GRIK4: variants seen among roughly 807,000 people sequenced by gnomAD.
GRIK4 encodes glutamate ionotropic receptor kainate type subunit 4, also known as glutamate receptor ionotropic, kainate 4.
A neutral mutation model predicts 104.9 loss-of-function variants in GRIK4; 40 were observed. The observed-to-expected ratio is 0.38, with a 90% CI of 0.30 to 0.50. GRIK4 has a LOEUF of 0.50. GRIK4 is among the 20% of genes least tolerant of loss of function. GRIK4 has a pLI of 0.93. For synonymous variants in GRIK4, 485 were observed against 524.9 expected (o/e 0.92, Z 1.04); for missense variants, 1,047 against 1,308.1 (o/e 0.80, Z 3.08).
intron 8 of GRIK4, among the ~76,000 whole-genome samples, chr11:120,848,262 A>G (rs1449219188): frequency 1.3e-5 from 2 of 152,198 alleles, no homozygotes; most frequent in Non-Finnish European, 2.9e-5. Context: ...AGGAGACCCC[A>G]GGTGGGCAGG....
At chr11:120,651,404 G>A (rs1949616810) in intron 1 of GRIK4, among the ~76,000 whole-genome samples, 1 of 152,208 alleles carries the variant, frequency 6.6e-6, no homozygotes, top group Non-Finnish European at 1.5e-5. Context: ...TGTCTCTGGG[G>A]AGGGGCCATT....
At chr11:120,597,963 T>C (rs374524955) in intron 1 of GRIK4, among the ~76,000 whole-genome samples, 35 of 152,302 alleles carry the variant, frequency 2.3e-4, no homozygotes, top group African/African-American at 8.4e-4. Flanking sequence ...CTTAGAGAGT[T>C]GCTGATGCGG....
intron 3 of GRIK4, among the ~76,000 whole-genome samples, chr11:120,736,254 C>T (rs955242682): frequency 6.6e-6 from 1 of 152,106 alleles, no homozygotes; most frequent in Non-Finnish European, 1.5e-5. Context: ...GAATGGGGAC[C>T]TCATGACTCT....
chr11:120,655,028 A>G (rs899242084), intron 2 of GRIK4, among the ~76,000 whole-genome samples: 3 of 152,150 alleles, frequency 2.0e-5, no homozygotes, highest in African/African-American at 7.2e-5. Flanking sequence ...TGCACACACC[A>G]AACTGGGAAT....
At chr11:120,624,452 GCCT>G (rs896312286) in intron 1 of GRIK4, among the ~76,000 whole-genome samples, 1 of 151,706 alleles carries the variant, frequency 6.6e-6, no homozygotes, top group African/African-American at 2.4e-5. Flanking sequence ...ATCCCCTTTG[GCCT>G]CCTCCTTGTC....
At position 120,714,516 on chromosome 11, in the gene GRIK4, C is replaced by T. The variant is rs1195448719; in HGVS notation, c.82+54116C>T. 2.5e-4 allele frequency among the ~76,000 whole-genome samples: 38 copies of T among 152,088 alleles called. 1 individual carries two copies. The highest frequency in any genetic ancestry group is 1.2e-4 in the Non-Finnish European group (8 of 68,030). On this transcript the variant is annotated intron_variant, in intron 3 of 20. Coordinates refer to ENST00000527524, the MANE Select transcript of GRIK4 (RefSeq NM_014619.5). ...TTTTTGCTTCTTGGAACTTAAATCTCGTGGAGGTTAGGGAGAGGACACAGA... is the reference window on the plus strand; with the variant it reads ...TTTTTGCTTCTTGGAACTTAAATCTTGTGGAGGTTAGGGAGAGGACACAGA...
intron 1 of GRIK4, among the ~76,000 whole-genome samples, chr11:120,516,869 C>T (rs536442041): frequency 5.3e-5 from 8 of 152,204 alleles, no homozygotes; most frequent in African/African-American, 1.9e-4. Context: ...CCTGGATGCG[C>T]TGTGCCTGAG....
intron 8 of GRIK4, chr11:120,858,872 C>CA (rs1954188776): frequency 2.6e-5 from 4 of 152,164 alleles, no homozygotes; most frequent in African/African-American, 9.7e-5. Flanking sequence ...ATACTAGAAC[C>CA]TTAGAGTGTC....
chr11:120,771,975 T>C (rs751624648), intron 3 of GRIK4, among the ~76,000 whole-genome samples: 78 of 152,240 alleles, frequency 5.1e-4, no homozygotes, highest in Admixed American at 1.3e-4. Context: ...GCAGTGATTC[T>C]AGTCCAGAGG....
At chr11:120,753,675 G>T (rs1951601671) in intron 3 of GRIK4, among the ~76,000 whole-genome samples, 1 of 152,066 alleles carries the variant, frequency 6.6e-6, no homozygotes, top group African/African-American at 2.4e-5. Flanking sequence ...AGGTGCTGTG[G>T]GGGAGACAAC....
intron 11 of GRIK4, among the ~76,000 whole-genome samples, chr11:120,878,930 G>A (rs1208638495): frequency 6.6e-6 from 1 of 152,168 alleles, no homozygotes; most frequent in Non-Finnish European, 1.5e-5. Flanking sequence ...GCTGGGCAGG[G>A]GAGGAGAAAG....
intron 11 of GRIK4, among the ~76,000 whole-genome samples, chr11:120,875,613 C>A (rs574035443): frequency 6.6e-6 from 1 of 152,236 alleles, no homozygotes; most frequent in Non-Finnish European, 1.5e-5. Context: ...ACATGTGGGC[C>A]AAGGAAACCC....
chr11:120,941,625 A>G (rs757635830), intron 14 of GRIK4, among the ~76,000 whole-genome samples: 1 of 152,192 alleles, frequency 6.6e-6, no homozygotes, highest in Non-Finnish European at 1.5e-5. Context: ...CTCTAATCCA[A>G]TGTCTGACGT....
At chr11:120,871,717 G>A (rs1250763665) in intron 9 of GRIK4, 2 of 456,364 alleles carry the variant, frequency 4.4e-6, no homozygotes, top group Non-Finnish European at 8.8e-6. Context: ...TGAGGTCTAT[G>A]GTACCTGCCA....
intron 8 of GRIK4, among the ~76,000 whole-genome samples, chr11:120,837,743 G>A (rs922912759): frequency 6.6e-6 from 1 of 151,616 alleles, no homozygotes; most frequent in Admixed American, 6.6e-5. Flanking sequence ...TAAAAAGGGA[G>A]AAAAGGATTA....
At chr11:120,687,929 TCTC>T (rs1950300197) in intron 3 of GRIK4, among the ~76,000 whole-genome samples, 1 of 152,172 alleles carries the variant, frequency 6.6e-6, no homozygotes, top group African/African-American at 2.4e-5. Context: ...TTTTTGGCCT[TCTC>T]CTCCATTCAG....
At chr11:120,669,017 C>A (rs1327787610) in intron 3 of GRIK4, among the ~76,000 whole-genome samples, 1 of 152,196 alleles carries the variant, frequency 6.6e-6, no homozygotes, top group East Asian at 1.9e-4. Context: ...TAGCCTTTGC[C>A]TGCCCGGATC....
intron 11 of GRIK4, among the ~76,000 whole-genome samples, chr11:120,885,320 G>A (rs139634505): frequency 6.6e-6 from 1 of 152,256 alleles, no homozygotes; most frequent in Non-Finnish European, 1.5e-5. Flanking sequence ...TTAGAAGTGA[G>A]TCTGTGAGAT....
chr11:120,565,433 C>T (rs1197971062), intron 1 of GRIK4, among the ~76,000 whole-genome samples: 1 of 152,190 alleles, frequency 6.6e-6, no homozygotes, highest in Non-Finnish European at 1.5e-5. Context: ...TAAAAGATGG[C>T]TTTGTATTAG....
Sources: gnomAD v4.1 joint callset for allele counts (sites outside exome capture counted in the v4.1 genomes callset) on GRCh38, gnomAD v4.1.1 for gene constraint, MANE v1.5 for transcripts, NCBI Gene and HGNC (gene_info 2026-07-23, HGNC 2026-07-21) for gene names.